The following AATF variants were observed in gnomAD, a reference collection of about 807,000 sequenced individuals.
The protein encoded by AATF is apoptosis antagonizing transcription factor.
In AATF, 48 loss-of-function variants were observed where a neutral mutation model predicts 63.7. The ratio of observed to expected loss-of-function variants is 0.75; its 90% CI spans 0.60 to 0.96. AATF has a LOEUF of 0.96. Ranked by LOEUF, AATF falls within the 40% of genes least tolerant of loss-of-function variation. The probability of loss-of-function intolerance (pLI) is 0.00; values close to 1 mark genes in which losing one functional copy is unlikely to be tolerated. For synonymous variants in AATF, 258 were observed against 247.7 expected, an observed-to-expected ratio of 1.04 and a Z score of -0.39; for missense variants, 639 against 685.7, an observed-to-expected ratio of 0.93 and a Z score of 0.76.
At chr17:37,001,603 C>G (rs1434171718) in intron 8 of AATF, among the ~76,000 whole-genome samples, 1 of 152,112 alleles carries the variant, frequency 6.6e-6, no homozygotes, top group Non-Finnish European at 1.5e-5. Context: ...ATGATCATCT[C>G]AATAGAGACA....
At chr17:37,007,359 A>ATTTTT (rs71368436) in intron 8 of AATF, among the ~76,000 whole-genome samples, 11 of 112,574 alleles carry the variant, frequency 9.8e-5, no homozygotes, top group African/African-American at 4.1e-4. Context: ...GGCTAATTTA[A>ATTTTT]TTTTTTTTTT....
At chr17:36,959,724 C>T (rs922564132) in intron 4 of AATF, among the ~76,000 whole-genome samples, 4 of 152,190 alleles carry the variant, frequency 2.6e-5, no homozygotes, top group Admixed American at 6.5e-5. Flanking sequence ...CAGTGAGCAC[C>T]ATGTTTCATT....
chr17:36,952,852 C>T, intron 2 of AATF, 34 bp from the exon 3 acceptor site: 1 of 1,596,604 alleles, frequency 6.3e-7, no homozygotes, highest in African/African-American at 1.3e-5. Flanking sequence ...CAGGTAATAC[C>T]CATTTTTCTC....
intron 11 of AATF, among the ~76,000 whole-genome samples, chr17:37,035,122 TAA>T (rs555568603): frequency 1.4e-5 from 2 of 142,478 alleles, no homozygotes; most frequent in Admixed American, 7.0e-5. Flanking sequence ...AGACTCCATT[TAA>T]AAAAAAAAAA....
At chr17:36,999,365 G>A (rs1269495599) in intron 8 of AATF, among the ~76,000 whole-genome samples, 1 of 152,186 alleles carries the variant, frequency 6.6e-6, no homozygotes, top group Non-Finnish European at 1.5e-5. Flanking sequence ...GCTGTCTAAT[G>A]TAGTAACTGC....
At chr17:37,011,145 T>C (rs1597724793) in intron 8 of AATF, among the ~76,000 whole-genome samples, 1 of 151,754 alleles carries the variant, frequency 6.6e-6, no homozygotes, top group East Asian at 1.9e-4. Flanking sequence ...CCAAGACGAG[T>C]GGATTACCTG....
intron 4 of AATF, among the ~76,000 whole-genome samples, chr17:36,986,278 G>A (rs984300440): frequency 9.2e-5 from 14 of 152,162 alleles, no homozygotes; most frequent in African/African-American, 1.4e-4. Flanking sequence ...TAACACCAAC[G>A]GAACAAATTA....
intron 11 of AATF, among the ~76,000 whole-genome samples, chr17:37,031,931 G>A (rs139079276): frequency 1.3e-5 from 2 of 152,236 alleles, no homozygotes; most frequent in Non-Finnish European, 2.9e-5. Context: ...TTAGCCCAGC[G>A]CCCTGGGACA....
chr17:36,961,214 C>T (rs1022014904), intron 4 of AATF, among the ~76,000 whole-genome samples: 1 of 152,170 alleles, frequency 6.6e-6, no homozygotes, highest in Non-Finnish European at 1.5e-5. Context: ...GTTAACCAAT[C>T]TGTATTGATG....
chr17:36,965,867 A>AT (rs1221784876), intron 4 of AATF, among the ~76,000 whole-genome samples: 3 of 151,618 alleles, frequency 2.0e-5, no homozygotes, highest in African/African-American at 7.3e-5. Flanking sequence ...CGTCCAGCTA[A>AT]TTTTTTTCTT....
At chr17:37,041,725 G>A (rs528346423) in intron 11 of AATF, among the ~76,000 whole-genome samples, 5 of 152,250 alleles carry the variant, frequency 3.3e-5, no homozygotes, top group South Asian at 2.1e-4. Flanking sequence ...GGCTGGTCGC[G>A]AACTCCTGAC....
intron 4 of AATF, among the ~76,000 whole-genome samples, chr17:36,982,268 G>A (rs1355443907): frequency 6.8e-6 from 1 of 146,210 alleles, no homozygotes; most frequent in East Asian, 2.0e-4. Flanking sequence ...TCAGTTTGAA[G>A]CATTATAGAT....
At chr17:37,028,006 A>T (rs1378036310) in intron 10 of AATF, among the ~76,000 whole-genome samples, 1 of 152,228 alleles carries the variant, frequency 6.6e-6, no homozygotes, top group Non-Finnish European at 1.5e-5. Flanking sequence ...TATTTAAATA[A>T]AAAGGTTATA....
At chr17:36,993,418 G>C (rs776375689) in intron 8 of AATF, among the ~76,000 whole-genome samples, 1 of 152,186 alleles carries the variant, frequency 6.6e-6, no homozygotes, top group Non-Finnish European at 1.5e-5. Context: ...GGTAGCACCT[G>C]TTCTGCTGAC....
chr17:37,046,421 T>C (rs947823576), intron 11 of AATF, among the ~76,000 whole-genome samples: 7 of 151,960 alleles, frequency 4.6e-5, no homozygotes, highest in Non-Finnish European at 8.8e-5. Flanking sequence ...CCTTGAACGC[T>C]CGGGGGGAGA....
intron 4 of AATF, among the ~76,000 whole-genome samples, chr17:36,959,887 A>G (rs941158122): frequency 6.6e-6 from 1 of 152,174 alleles, no homozygotes; most frequent in Non-Finnish European, 1.5e-5. Flanking sequence ...AAGAGTATGA[A>G]AACAGATTTC....
At chr17:36,968,614 TG>T (rs771793648) in intron 4 of AATF, among the ~76,000 whole-genome samples, 6 of 151,932 alleles carry the variant, frequency 3.9e-5, no homozygotes, top group East Asian at 3.8e-4. Flanking sequence ...TTTTATTGTT[TG>T]GGTTTTTTTC....
chr17:37,011,199 C>A (rs976435994), intron 8 of AATF, among the ~76,000 whole-genome samples: 10 of 152,066 alleles, frequency 6.6e-5, no homozygotes, highest in African/African-American at 2.4e-4. Context: ...GGAAAAACCC[C>A]GTCTCAACTA....
chr17:37,037,040 G>A (rs1421132305), intron 11 of AATF, among the ~76,000 whole-genome samples: 1 of 144,626 alleles, frequency 6.9e-6, no homozygotes, highest in Non-Finnish European at 1.5e-5. Context: ...ACAGAGTCTC[G>A]TTCTCTCACC....
Sources: allele counts gnomAD v4.1 joint callset (sites outside exome capture counted in the v4.1 genomes callset), GRCh38; gene constraint gnomAD v4.1.1; transcripts MANE v1.5; gene names NCBI Gene and HGNC (gene_info 2026-07-23, HGNC 2026-07-21).